ATXN7L1: variants seen among roughly 807,000 people sequenced by gnomAD.
ATXN7L1 encodes the protein ataxin-7-like protein 1.
Under a neutral mutation model 70.8 loss-of-function variants are expected in ATXN7L1, and 15 were observed. The observed-to-expected ratio is 0.21, with a 90% CI of 0.14 to 0.33. ATXN7L1 has a LOEUF of 0.33. ATXN7L1 is among the 10% of genes least tolerant of loss of function. The pLI is 1.00. For synonymous variants in ATXN7L1, 440 were observed against 445.1 expected (o/e 0.99, Z 0.14); for missense variants, 975 against 1,097.1 (o/e 0.89, Z 1.57).
intron 2 of ATXN7L1, among the ~76,000 whole-genome samples, chr7:105,817,486 ACGAAG>A (rs1359923904): frequency 6.6e-6 from 1 of 152,268 alleles, no homozygotes; most frequent in African/African-American, 2.4e-5. Context: ...GTAAAATACC[ACGAAG>A]AATGTAACTT....
intron 2 of ATXN7L1, among the ~76,000 whole-genome samples, chr7:105,868,135 G>T (rs1401772331): frequency 6.6e-6 from 1 of 152,140 alleles, no homozygotes; most frequent in Non-Finnish European, 1.5e-5. Context: ...CTACACATGG[G>T]TAACTTCCTG....
At chr7:105,768,978 T>C (rs921708952) in intron 3 of ATXN7L1, among the ~76,000 whole-genome samples, 2 of 152,374 alleles carry the variant, frequency 1.3e-5, no homozygotes, top group South Asian at 2.1e-4. Flanking sequence ...CTGGGGTCTC[T>C]ATCCATGGAA....
At position 105,876,431 on chromosome 7, in the gene ATXN7L1, A is replaced by G. The variant is rs751099498; in HGVS notation, c.128T>C (p.Leu43Pro). The G allele has an allele frequency of 1.9e-6, 3 of 1,613,432 alleles. No individual in the cohort carries two copies. Among genetic ancestry groups the G allele is most frequent in the Non-Finnish European group, 2.5e-6 (3 of 1,179,684 alleles). Residue 43 changes from leucine (L) to proline (P), a missense_variant, in exon 1 of 12, where the codon CTG becomes CCG. By Grantham distance (98) the Leu-to-Pro change is moderately conservative. Coordinates refer to ENST00000419735, the MANE Select transcript of ATXN7L1 (RefSeq NM_020725.2). Reference protein sequence around the residue: ...DRKVPSPEAFLGKPWSSWIDA... With the variant: ...DRKVPSPEAFPGKPWSSWIDA... ...GATCCAGGAGGACCAGGGTTTGCCCAGAAACGCCTCCGGACTGGGCACTTT... is the reference window on the plus strand; with the variant it reads ...GATCCAGGAGGACCAGGGTTTGCCCGGAAACGCCTCCGGACTGGGCACTTT...
At chr7:105,648,572 C>CTT (rs1362193349) in intron 4 of ATXN7L1, among the ~76,000 whole-genome samples, 1 of 152,210 alleles carries the variant, frequency 6.6e-6, no homozygotes, top group Non-Finnish European at 1.5e-5. Flanking sequence ...AAACATTCAG[C>CTT]TGACATAAGA....
intron 3 of ATXN7L1, among the ~76,000 whole-genome samples, chr7:105,702,573 T>C (rs77276952): frequency 0.11 from 16,018 of 150,464 alleles, 1,135 homozygotes; most frequent in African/African-American, 0.2. Flanking sequence ...CAGACACACA[T>C]ACACACACAC....
chr7:105,779,225 G>A (rs1210419453), intron 3 of ATXN7L1, among the ~76,000 whole-genome samples: 1 of 152,238 alleles, frequency 6.6e-6, no homozygotes, highest in Non-Finnish European at 1.5e-5. Context: ...TTCCTTGAGT[G>A]TGAGATAAAG....
chr7:105,697,043 C>T (rs1432015562), intron 3 of ATXN7L1, among the ~76,000 whole-genome samples: 4 of 152,148 alleles, frequency 2.6e-5, no homozygotes, highest in Non-Finnish European at 4.4e-5. Context: ...ACATCAAGTA[C>T]TTAACAGGGT....
At position 105,662,050 on chromosome 7, in the gene ATXN7L1, C is replaced by T. The variant is rs1005259823; in HGVS notation, c.578+3016G>A. ...TCTTTCCTTCCTTCCTTCCTTCCTT[C>T]CTTCCTTCCTTCCTTCCTTCCTTCC... On this transcript the variant is annotated intron_variant, in intron 4 of 11. Transcript: ENST00000419735. Among the ~76,000 whole-genome samples the T allele has an allele frequency of 4.7e-3, 443 of 94,666 alleles. 6 individuals are homozygous for T. The highest frequency in any genetic ancestry group is 0.021 in the South Asian group (40 of 1,900). 62.1% of individuals were successfully genotyped at this position (94,666 alleles called of 152,430 possible).
At chr7:105,869,492 C>T (rs1230085199) in intron 2 of ATXN7L1, among the ~76,000 whole-genome samples, 1 of 152,192 alleles carries the variant, frequency 6.6e-6, no homozygotes, top group Non-Finnish European at 1.5e-5. Flanking sequence ...TTAACCAGGT[C>T]AGTTGCCACC....
intron 2 of ATXN7L1, among the ~76,000 whole-genome samples, chr7:105,809,459 T>A (rs866311116): frequency 1.2e-4 from 19 of 152,200 alleles, no homozygotes; most frequent in African/African-American, 4.3e-4. Context: ...AACCATTCTA[T>A]GTTCTGCTTC....
At chr7:105,705,605 C>T (rs909775746) in intron 3 of ATXN7L1, among the ~76,000 whole-genome samples, 2 of 152,134 alleles carry the variant, frequency 1.3e-5, no homozygotes, top group Admixed American at 6.6e-5. Flanking sequence ...GGCACCACTC[C>T]GACACCCTCC....
intron 5 of ATXN7L1, 132 bp from the exon 6 acceptor site, chr7:105,639,701 TTTTTTGTG>T: frequency 1.4e-6 from 1 of 697,908 alleles, no homozygotes; most frequent in Non-Finnish European, 2.4e-6. Flanking sequence ...TGTTTTTTGT[TTTTTTGTG>T]TTTTGTTTTC....
At chr7:105,783,172 C>A (rs1214968097) in intron 3 of ATXN7L1, among the ~76,000 whole-genome samples, 23 of 152,298 alleles carry the variant, frequency 1.5e-4, no homozygotes, top group Non-Finnish European at 4.4e-5. Context: ...AGGATTCTAA[C>A]CTGCCTCTGT....
At chr7:105,728,961 G>C (rs77633646) in intron 3 of ATXN7L1, among the ~76,000 whole-genome samples, 1 of 152,016 alleles carries the variant, frequency 6.6e-6, no homozygotes, top group Non-Finnish European at 1.5e-5. Context: ...TGTTATAAAT[G>C]CATGATTGAA....
chr7:105,830,203 G>A (rs1047814052), intron 2 of ATXN7L1, among the ~76,000 whole-genome samples: 1 of 152,254 alleles, frequency 6.6e-6, no homozygotes, highest in Non-Finnish European at 1.5e-5. Flanking sequence ...CTCTATGGCA[G>A]AGCTGGAAGA....
intron 4 of ATXN7L1, among the ~76,000 whole-genome samples, chr7:105,646,616 C>T (rs1799068764): frequency 6.6e-6 from 1 of 152,022 alleles, no homozygotes; most frequent in Admixed American, 6.5e-5. Context: ...TGGGGTTTCA[C>T]CATGTTGGCC....
chr7:105,789,258 A>T (rs1804774526), intron 2 of ATXN7L1, among the ~76,000 whole-genome samples: 1 of 152,152 alleles, frequency 6.6e-6, no homozygotes, highest in African/African-American at 2.4e-5. Context: ...CCCATTATTC[A>T]TTCAGTAAAT....
chr7:105,707,304 G>A (rs1007668409), intron 3 of ATXN7L1, among the ~76,000 whole-genome samples: 8 of 152,206 alleles, frequency 5.3e-5, no homozygotes, highest in Non-Finnish European at 1.0e-4. Flanking sequence ...GCTTGTTTGT[G>A]GGAAGAAGTG....
intron 3 of ATXN7L1, among the ~76,000 whole-genome samples, chr7:105,701,289 T>C (rs567027402): frequency 6.6e-6 from 1 of 152,284 alleles, no homozygotes; most frequent in East Asian, 1.9e-4. Flanking sequence ...AATGTATCCA[T>C]GATAATTTTA....
Sources: allele counts gnomAD v4.1 joint callset (sites outside exome capture counted in the v4.1 genomes callset), GRCh38; gene constraint gnomAD v4.1.1; transcripts MANE v1.5; gene names NCBI Gene and HGNC (gene_info 2026-07-23, HGNC 2026-07-21).